The following RALGPS1 variants were observed in gnomAD, a reference collection of about 807,000 sequenced individuals.
RALGPS1 encodes ras-specific guanine nucleotide-releasing factor RalGPS1.
In RALGPS1, 19 loss-of-function variants were observed where a neutral mutation model predicts 78.8. That is an observed-to-expected ratio of 0.24 (90% CI 0.17 to 0.35). The LOEUF (loss-of-function observed/expected upper bound fraction) is 0.35. RALGPS1 is among the 10% of genes least tolerant of loss of function. The pLI, the probability that RALGPS1 is intolerant of heterozygous loss-of-function variation, is 1.00. For synonymous variants in RALGPS1, 228 were observed against 256.3 expected, an observed-to-expected ratio of 0.89 and a Z score of 1.06; for missense variants, 454 against 688.3, an observed-to-expected ratio of 0.66 and a Z score of 3.81.
intron 8 of RALGPS1, among the ~76,000 whole-genome samples, chr9:127,139,762 AAC>A (rs961276286): frequency 2.5e-4 from 38 of 152,222 alleles, no homozygotes; most frequent in African/African-American, 9.2e-4. Flanking sequence ...TCAGTGAGGT[AAC>A]ACAGTGTTTT....
chr9:127,016,712 C>T (rs1200418627), intron 4 of RALGPS1: 1 of 152,180 alleles, frequency 6.6e-6, no homozygotes, highest in Admixed American at 6.5e-5. Context: ...TATAAACAAC[C>T]TAGGTCAGTC....
chr9:127,166,607 T>C (rs2059304816), intron 9 of RALGPS1, among the ~76,000 whole-genome samples: 1 of 152,152 alleles, frequency 6.6e-6, no homozygotes, highest in African/African-American at 2.4e-5. Context: ...CTCAGAATCC[T>C]CCACTGGACT....
intron 4 of RALGPS1, among the ~76,000 whole-genome samples, chr9:127,023,623 C>T (rs1478395356): frequency 2.6e-5 from 4 of 152,188 alleles, no homozygotes; most frequent in African/African-American, 9.7e-5. Flanking sequence ...CGCTCCCTCC[C>T]TCTGCTACCA....
chr9:127,120,470 A>C (rs1471701603), intron 8 of RALGPS1, among the ~76,000 whole-genome samples: 4 of 152,166 alleles, frequency 2.6e-5, no homozygotes, highest in African/African-American at 9.7e-5. Context: ...CCACAGTATT[A>C]TCTCTGTCTC....
chr9:127,209,627 G>A (rs758010753), intron 14 of RALGPS1, among the ~76,000 whole-genome samples: 8 of 152,180 alleles, frequency 5.3e-5, no homozygotes, highest in Non-Finnish European at 1.0e-4. Flanking sequence ...AGGCTCGGGG[G>A]CCTGGAGCAG....
At chr9:127,027,139 A>G (rs768274213) in intron 4 of RALGPS1, among the ~76,000 whole-genome samples, 11 of 152,120 alleles carry the variant, frequency 7.2e-5, no homozygotes, top group Non-Finnish European at 1.2e-4. Flanking sequence ...CGTTTAATCA[A>G]AATCCGTGCT....
At chr9:126,983,308 T>A (rs921618675) in intron 4 of RALGPS1, among the ~76,000 whole-genome samples, 3 of 152,160 alleles carry the variant, frequency 2.0e-5, no homozygotes, top group African/African-American at 4.8e-5. Flanking sequence ...TGGGTTTATA[T>A]AGGAAGAGTG....
chr9:127,077,613 A>G (rs139315747), intron 8 of RALGPS1, among the ~76,000 whole-genome samples: 118 of 152,312 alleles, frequency 7.7e-4, no homozygotes, highest in Non-Finnish European at 1.3e-3. Flanking sequence ...GATTAGCAAT[A>G]ATGTTAACTG....
chr9:127,093,886 G>A (rs376778955), intron 8 of RALGPS1: 49 of 1,613,930 alleles, frequency 3.0e-5, no homozygotes, highest in African/African-American at 1.6e-4. Flanking sequence ...AGCTGGTGTC[G>A]TGGCCATCCT....
chr9:126,914,978 G>T lies in RALGPS1; in HGVS notation c.-66+3G>T. ...CAGCCACTGCGGCCCGCGTCAAGGT[G>T]ACCGGCCGGGACTGCGGCGGCGGGG... On this transcript the variant is annotated splice_donor_region_variant and intron_variant, in intron 1 of 18. Coordinates refer to ENST00000259351, the MANE Select transcript of RALGPS1 (RefSeq NM_014636.3). 1 of 150,930 alleles carries T rather than the reference G, an allele frequency of 6.6e-6. No homozygotes were observed. The highest frequency in any genetic ancestry group is 1.9e-4 in the South Asian group (1 of 5,256). The allele number at this position is 150,930 out of a possible 1,614,324, so 9.3% of individuals were successfully genotyped here.
At position 127,046,738 on chromosome 9, in the gene RALGPS1, G is replaced by T. The variant is rs571748000; in HGVS notation, c.301-3305G>T. Among the ~76,000 whole-genome samples, 174 of 151,174 alleles carry T rather than the reference G, an allele frequency of 1.2e-3. 1 individual carries two copies. The highest frequency in any genetic ancestry group is 2.3e-3 in the Non-Finnish European group (154 of 67,922). The stretch of plus-strand genomic sequence containing the variant: ...GCCTGTAGTTTCAGCTACTTGACAG[G>T]CTGAGGTGGGAGGATACTCAAGCCC... On this transcript the variant is annotated intron_variant, in intron 5 of 18. Transcript: ENST00000259351.
At chr9:126,996,574 T>C (rs1166605963) in intron 4 of RALGPS1, among the ~76,000 whole-genome samples, 1 of 151,984 alleles carries the variant, frequency 6.6e-6, no homozygotes, top group Non-Finnish European at 1.5e-5. Flanking sequence ...CAGGACCAGA[T>C]GGATTCACAG....
chr9:127,141,537 C>T (rs1174244531), intron 8 of RALGPS1, among the ~76,000 whole-genome samples: 1 of 142,654 alleles, frequency 7.0e-6, no homozygotes, highest in Non-Finnish European at 1.5e-5. Context: ...GGGTCCCAGA[C>T]TTTGGATTTC....
chr9:127,026,613 T>C (rs2045982571), intron 4 of RALGPS1, among the ~76,000 whole-genome samples: 2 of 152,236 alleles, frequency 1.3e-5, no homozygotes, highest in Admixed American at 6.5e-5. Context: ...AGGGGTTTTT[T>C]CTAAGTTTTT....
intron 1 of RALGPS1, among the ~76,000 whole-genome samples, chr9:126,918,336 C>T (rs1224343043): frequency 2.6e-5 from 4 of 152,132 alleles, no homozygotes; most frequent in Admixed American, 1.3e-4. Context: ...CTTTGAATAT[C>T]GTTTAAAACT....
At chr9:126,950,815 C>G (rs1410363628) in intron 1 of RALGPS1, among the ~76,000 whole-genome samples, 3 of 149,562 alleles carry the variant, frequency 2.0e-5, no homozygotes, top group South Asian at 4.3e-4. Context: ...TAACTAAAAT[C>G]AGAGCAGAAC....
chr9:127,212,232 C>T lies in RALGPS1; in HGVS notation c.1349C>T (p.Pro450Leu), dbSNP rs1001083884. Residue 450 changes from proline to leucine, a missense_variant, in exon 15 of 19, where the codon CCT (proline) becomes CTT (leucine). Transcript: ENST00000259351. The surrounding 1 kb of genome is among the most constrained non-coding windows in gnomAD (Gnocchi z 6.0). ...RKTLLKEGRK[P>L]ALSSWTRYWV... The stretch of plus-strand genomic sequence containing the variant: ...ACCCTGCTCAAGGAAGGGCGGAAGC[C>T]TGCGGTAAGTACAGACCCACATCCA... 2 of 1,611,944 alleles carry T rather than the reference C, an allele frequency of 1.2e-6. No individual in the cohort carries two copies. The highest frequency in any genetic ancestry group is 1.1e-5 in the South Asian group (1 of 90,930).
chr9:127,146,504 T>C (rs927547893), intron 8 of RALGPS1, among the ~76,000 whole-genome samples: 5 of 152,142 alleles, frequency 3.3e-5, no homozygotes. Flanking sequence ...TTTTTGCTAT[T>C]GTGAATAGCG....
At chr9:127,202,155 C>T (rs2061668938) in intron 14 of RALGPS1, among the ~76,000 whole-genome samples, 1 of 152,168 alleles carries the variant, frequency 6.6e-6, no homozygotes, top group Admixed American at 6.5e-5. Context: ...AGCCAGATGC[C>T]AAGACGAAAG....
Sources: allele counts gnomAD v4.1 joint callset (sites outside exome capture counted in the v4.1 genomes callset), GRCh38; gene constraint gnomAD v4.1.1; non-coding constraint Gnocchi (gnomAD v3.1); transcripts MANE v1.5; gene names NCBI Gene and HGNC (gene_info 2026-07-23, HGNC 2026-07-21).